Variants in KIF7 observed in about 807,000 individuals in gnomAD.
KIF7 encodes kinesin-like protein KIF7.
A neutral mutation model predicts 135.7 loss-of-function variants in KIF7; 104 were observed. The observed-to-expected ratio is 0.77, with a 90% confidence interval of 0.65 to 0.90. The LOEUF (loss-of-function observed/expected upper bound fraction) is 0.90. Ranked by LOEUF, KIF7 falls within the 40% of genes least tolerant of loss-of-function variation. KIF7 has a pLI of 0.00. For missense variants in KIF7, 2,005 were observed against 1,839.1 expected, an observed-to-expected ratio of 1.09 and a Z score of -1.65; for synonymous variants, 883 against 809.4, an observed-to-expected ratio of 1.09 and a Z score of -1.54.
chr15:89,652,820 G>T lies in KIF7; in HGVS notation c.111C>A (p.Cys37Ter), dbSNP rs1355724901. Residue 37 changes from cysteine to a stop codon, truncating the protein, a stop_gained, in exon 2 of 19, where the codon TGC becomes TGA. Transcript: ENST00000394412. LOFTEE classifies it high-confidence loss of function. ...GGCCAAGCCCTGGCTCCACCTGCAGGCAGCTCTGATGCCCGTGCAGCAGCT... is the reference window on the plus strand; with the variant it reads ...GGCCAAGCCCTGGCTCCACCTGCAGTCAGCTCTGATGCCCGTGCAGCAGCT... ...PKELLHGHQS[C>*]LQVEPGLGRV... 6.4e-7 allele frequency: 1 copy of T among 1,550,850 alleles called. No individual in the cohort carries two copies.
intron 18 of KIF7, 38 bp downstream of exon 18, chr15:89,628,938 G>C: frequency 6.2e-7 from 1 of 1,613,876 alleles, no homozygotes; most frequent in Non-Finnish European, 8.5e-7. Flanking sequence ...CCCAAAGAAA[G>C]GGAACAGGTC....
At chr15:89,622,084 C>G (rs758028936) in intron 1 of KIF7, among the ~76,000 whole-genome samples, 8 of 146,608 alleles carry the variant, frequency 5.5e-5, no homozygotes, top group African/African-American at 2.0e-4. Context: ...CCTCCCAGTT[C>G]AAGCGATTCT....
chr15:89,628,090 G>A lies in KIF7; in HGVS notation c.*329C>T, dbSNP rs1374228576. The A allele has an allele frequency of 7.5e-6, 2 of 266,376 alleles. No homozygotes were observed. The highest frequency in any genetic ancestry group is 2.2e-5 in the African/African-American group (1 of 45,332). 16.5% of individuals were successfully genotyped at this position (266,376 alleles called of 1,614,324 possible). On this transcript the variant is annotated 3_prime_UTR_variant, in exon 19 of 19. Coordinates refer to ENST00000394412, the MANE Select transcript of KIF7 (RefSeq NM_198525.3). ...CAACCTGGTTACCACCGACCCTTTC[G>A]TGATGATTCTTGGCCAAACCCCTGA...
chr15:89,646,091 C>T, intron 7 of KIF7, 65 bp from the exon 8 acceptor site: 3 of 1,593,516 alleles, frequency 1.9e-6, no homozygotes, highest in Non-Finnish European at 2.6e-6. Context: ...CCTTGCCTGC[C>T]CTCCTCATAT....
At chr15:89,638,894 ATAC>A (rs1224327905) in intron 11 of KIF7, among the ~76,000 whole-genome samples, 2 of 152,174 alleles carry the variant, frequency 1.3e-5, no homozygotes, top group African/African-American at 4.8e-5. Flanking sequence ...ACTTCAAACT[ATAC>A]TACAAGGCTA....
In KIF7 at chr15:89,649,135, C is replaced by T. The variant is rs1295600877; in HGVS notation, c.762G>A (p.Ala254=). The T allele has an allele frequency of 1.9e-6, 3 of 1,547,894 alleles. No homozygotes were observed. The highest frequency in any genetic ancestry group is 1.4e-5 in the African/African-American group (1 of 73,144). Residue 254 remains alanine (A), a synonymous_variant, in exon 4 of 19, where the codon GCG becomes GCA. Coordinates refer to ENST00000394412, the MANE Select transcript of KIF7 (RefSeq NM_198525.3). Reference sequence around the variant, plus strand: ...CCGTCTTGAGCACCCTCTCTGAGCCCGCCAGGTCCACGAAGTGGAACTTGG... The same window carrying T: ...CCGTCTTGAGCACCCTCTCTGAGCCTGCCAGGTCCACGAAGTGGAACTTGG... ...LVSKFHFVDL[A]GSERVLKTGS...
chr15:89,631,436 G>A lies in KIF7; in HGVS notation c.3111+59C>T, dbSNP rs1963672710. ...AGAGGGCTGGAGCAAGGGCTGAGGA[G>A]AGCAGACAGACAGGCATACAATGGC... On this transcript the variant is annotated intron_variant, in intron 15 of 18. Coordinates refer to ENST00000394412, the MANE Select transcript of KIF7 (RefSeq NM_198525.3). 4.2e-6 allele frequency: 6 copies of A among 1,431,238 alleles called. 1 individual carries two copies. The highest frequency in any genetic ancestry group is 4.8e-6 in the Non-Finnish European group (5 of 1,048,732). 88.7% of individuals were successfully genotyped at this position (1,431,238 alleles called of 1,614,324 possible).
rs1567068239 is a variant in KIF7 at position 89,649,722 on chromosome 15, G to A, written c.529+19C>T. The A allele has an allele frequency of 1.3e-6, 2 of 1,550,672 alleles. No homozygotes were observed. The highest frequency in any genetic ancestry group is 2.7e-5 in the African/African-American group (2 of 73,168). ...CCCTAAGCCCCTCTCCGTCAGTGGA[G>A]GACCCCAGAGTTCCTCACCAACATT... On this transcript the variant is annotated intron_variant, in intron 3 of 18. Transcript: ENST00000394412.
Position 89,633,893 on chromosome 15 carries a change from A to G in KIF7, c.2395-10T>C. The G allele has an allele frequency of 6.2e-7, 1 of 1,613,606 alleles. No individual in the cohort carries two copies. Among genetic ancestry groups the G allele is most frequent in the Non-Finnish European group, 8.5e-7 (1 of 1,180,010 alleles). On this transcript the variant is annotated splice_polypyrimidine_tract_variant and intron_variant, in intron 11 of 18. Coordinates refer to ENST00000394412, the MANE Select transcript of KIF7 (RefSeq NM_198525.3). The stretch of plus-strand genomic sequence containing the variant: ...TCTTCTCCTTCAGCACCTGGGACCC[A>G]CACAGTCTTCACTGGGCCATGCACG...
chr15:89,657,458 T>G (rs1008685948), upstream of KIF7, among the ~76,000 whole-genome samples: 5 of 152,254 alleles, frequency 3.3e-5, no homozygotes, highest in African/African-American at 1.2e-4. Context: ...GTTCATGATT[T>G]TAGAAAGATT....
At chr15:89,659,804 T>C (rs1964240686), upstream of KIF7, among the ~76,000 whole-genome samples, 1 of 152,250 alleles carries the variant, frequency 6.6e-6, no homozygotes, top group Admixed American at 6.5e-5. Flanking sequence ...ATCTAGTTAA[T>C]GATACACACA....
intron 7 of KIF7, 106 bp downstream of exon 7, chr15:89,646,724 C>T (rs922305356): frequency 3.9e-6 from 4 of 1,026,014 alleles, no homozygotes; most frequent in Non-Finnish European, 6.1e-6. Context: ...CAGCCAGTCC[C>T]ATGAAAGCAT....
At chr15:89,654,612 C>T (rs1333617393) in intron 1 of KIF7, among the ~76,000 whole-genome samples, 1 of 152,198 alleles carries the variant, frequency 6.6e-6, no homozygotes, top group Non-Finnish European at 1.5e-5. Context: ...CTCTCCCCGA[C>T]CTCCCAGACC....
chr15:89,643,462 A>G (rs1393018105), intron 10 of KIF7, among the ~76,000 whole-genome samples: 1 of 152,196 alleles, frequency 6.6e-6, no homozygotes, highest in Non-Finnish European at 1.5e-5. Flanking sequence ...GGGTCCTGGA[A>G]CCAATCCCAC....
rs142355569 is a variant in KIF7, at chr15:89,646,947, C to T, written c.1671G>A (p.Gly557=). 9.6e-5 allele frequency: 155 copies of T among 1,613,714 alleles called. No homozygotes were observed. Among genetic ancestry groups the T allele is most frequent in the Non-Finnish European group, 1.3e-4 (151 of 1,179,932 alleles). ...CTGTATGAGGTCGAGGCACAAAGGA[C>T]CCGGGAGGCAGGCCATTCAGGAGCC... ...GPRLLNGLPP[G]SFVPRPHTAP... Residue 557 remains glycine, a synonymous_variant, in exon 7 of 19, where the codon GGG becomes GGA. Transcript: ENST00000394412.
At position 89,632,883 on chromosome 15, in the gene KIF7, G is replaced by A; in HGVS notation, c.2832C>T (p.Ala944=). 1 of 1,610,320 alleles carries A rather than the reference G, an allele frequency of 6.2e-7. No homozygotes were observed. The highest frequency in any genetic ancestry group is 8.5e-7 in the Non-Finnish European group (1 of 1,179,884). ...TCTCCTGCATCAGGGCCTCCTTCTT[G>A]GCCAGGATGGCCTCCCGCTTGTGGA... The part of the protein sequence containing the change: ...EELHKREAIL[A]KKEALMQEKT... The change falls in exon 14 of 19, where the codon GCC becomes GCT. Residue 944 remains alanine (A), a synonymous_variant. Coordinates refer to ENST00000394412, the MANE Select transcript of KIF7 (RefSeq NM_198525.3).
At chr15:89,627,944 T>TAAATCA (rs1567055823), downstream of KIF7, 1 of 154,528 alleles carries the variant, frequency 6.5e-6, no homozygotes, top group East Asian at 1.9e-4. Flanking sequence ...TATTGTCTTG[T>TAAATCA]AAATCAAACT....
At position 89,648,365 on chromosome 15, in the gene KIF7, A is replaced by ACAGC; in HGVS notation, c.1329_1332dup (p.Cys445AlafsTer19). 7.2e-7 allele frequency: 1 copy of ACAGC among 1,385,698 alleles called. No homozygotes were observed. The highest frequency in any genetic ancestry group is 9.4e-7 in the Non-Finnish European group (1 of 1,066,632). 85.8% of individuals were successfully genotyped at this position (1,385,698 alleles called of 1,614,324 possible). ...GCGCTGCGCTCGCCCTCGACGGCGCACAGCCAGTCGCGCACCTTGCGGGCG... is the reference window on the plus strand; with the variant it reads ...GCGCTGCGCTCGCCCTCGACGGCGCACAGCCAGCCAGTCGCGCACCTTGCGGGCG... On this transcript the variant is annotated frameshift_variant, in exon 5 of 19. Coordinates refer to ENST00000394412, the MANE Select transcript of KIF7 (RefSeq NM_198525.3). LOFTEE classifies it high-confidence loss of function.
intron 11 of KIF7, among the ~76,000 whole-genome samples, chr15:89,638,151 T>G (rs1200272598): frequency 6.7e-6 from 1 of 149,800 alleles, no homozygotes; most frequent in Non-Finnish European, 1.5e-5. Flanking sequence ...GGGACGTATC[T>G]CAAAATCATA....
Sources: allele counts gnomAD v4.1 joint callset (sites outside exome capture counted in the v4.1 genomes callset), GRCh38; gene constraint gnomAD v4.1.1; transcripts MANE v1.5; gene names NCBI Gene and HGNC (gene_info 2026-07-23, HGNC 2026-07-21).